Variants in UTP20 observed in about 807,000 individuals in gnomAD.
The protein encoded by UTP20 is small subunit processome component 20 homolog.
In UTP20, 164 loss-of-function variants were observed where a neutral mutation model predicts 329.5. The observed-to-expected ratio is 0.50, with a 90% CI of 0.44 to 0.57. The LOEUF is 0.57. Ranked by LOEUF, UTP20 falls within the 20% of genes least tolerant of loss-of-function variation. The pLI is 0.00. For synonymous variants in UTP20, 1,151 were observed against 1,159.3 expected (o/e 0.99, Z 0.14); for missense variants, 3,055 against 3,284.2 (o/e 0.93, Z 1.71).
chr12:101,381,297 C>A, intron 58 of UTP20, 86 bp downstream of exon 58: 1 of 1,201,606 alleles, frequency 8.3e-7, no homozygotes, highest in Non-Finnish European at 1.2e-6. Context: ...TTTGAGAGGC[C>A]GAGGCGGCCA....
chr12:101,330,472 G>A (rs1868725467), intron 27 of UTP20, among the ~76,000 whole-genome samples: 1 of 152,192 alleles, frequency 6.6e-6, no homozygotes, highest in Non-Finnish European at 1.5e-5. Flanking sequence ...TGAGAAGCTC[G>A]AAGCAGGTGA....
chr12:101,378,031 G>T (rs1367652523), intron 56 of UTP20, among the ~76,000 whole-genome samples: 1 of 152,010 alleles, frequency 6.6e-6, no homozygotes. Context: ...AGACCAGCGT[G>T]GGCAACATGG....
intron 2 of UTP20, among the ~76,000 whole-genome samples, chr12:101,284,235 A>G (rs747904509): frequency 6.6e-6 from 1 of 152,014 alleles, no homozygotes; most frequent in Non-Finnish European, 1.5e-5. Context: ...TTTTTAACCC[A>G]TCCCCACTTC....
At chr12:101,310,180 G>C (rs1872741900) in intron 19 of UTP20, among the ~76,000 whole-genome samples, 1 of 151,998 alleles carries the variant, frequency 6.6e-6, no homozygotes, top group Admixed American at 6.6e-5. Context: ...TATATTTTGA[G>C]TCATTGAGCC....
At chr12:101,364,235 C>A (rs1251435962) in intron 45 of UTP20, among the ~76,000 whole-genome samples, 1 of 152,096 alleles carries the variant, frequency 6.6e-6, no homozygotes, top group Non-Finnish European at 1.5e-5. Context: ...TAGCAAGACC[C>A]TGTCTCTATT....
At chr12:101,354,708 T>A in intron 40 of UTP20, 124 bp from the exon 41 acceptor site, 1 of 1,020,384 alleles carries the variant, frequency 9.8e-7, no homozygotes, top group Non-Finnish European at 1.4e-6. Context: ...TTACCTTGCC[T>A]GCCCACAGTT....
Position 101,308,334 on chromosome 12 carries a change from G to T in UTP20, c.2145G>T (p.Pro715=). 6.6e-7 allele frequency: 1 copy of T among 1,508,672 alleles called. No homozygotes were observed. Among genetic ancestry groups the T allele is most frequent in the Non-Finnish European group, 8.9e-7 (1 of 1,128,216 alleles). 93.5% of individuals were successfully genotyped at this position (1,508,672 alleles called of 1,614,324 possible). Residue 715 remains proline (P), a synonymous_variant, in exon 18 of 62, where the codon CCG becomes CCT. Transcript: ENST00000261637. ...DVVQTAVPDG[P]LQEVPLRYLL... is the part of the protein sequence containing the mutation. ...TACAGACTGCTGTCCCTGATGGGCCGTTACAGGAGGTAAAAATAGTGTTCT... is the reference window on the plus strand; with the variant it reads ...TACAGACTGCTGTCCCTGATGGGCCTTTACAGGAGGTAAAAATAGTGTTCT...
intron 28 of UTP20, among the ~76,000 whole-genome samples, chr12:101,333,741 C>G (rs970087142): frequency 3.9e-5 from 6 of 152,184 alleles, no homozygotes; most frequent in Non-Finnish European, 5.9e-5. Flanking sequence ...CTTACTGCAA[C>G]CTCTGCCTCC....
At chr12:101,295,382 T>G in intron 11 of UTP20, 98 bp from the exon 12 acceptor site, 1 of 1,151,668 alleles carries the variant, frequency 8.7e-7, no homozygotes, top group Non-Finnish European at 1.2e-6. Flanking sequence ...GCCATTGTGA[T>G]TCTTGATCCT....
chr12:101,280,414 G>A, intron 1 of UTP20, 87 bp downstream of exon 1: 3 of 1,498,680 alleles, frequency 2.0e-6, no homozygotes, highest in Non-Finnish European at 2.7e-6. Context: ...AGGGGCCTCA[G>A]ACTTCTGGGC....
Position 101,355,081 on chromosome 12 carries a change from A to T in UTP20, c.5357A>T (p.Asp1786Val), listed in dbSNP as rs745423859. ...IKNIQGTITG[D>V]ILPRLHKCLA... ...AATATCCAAGGAACCATAACCGGGGATATTCTCCCCAGGCTACATAAATGC... is the reference window on the plus strand; with the variant it reads ...AATATCCAAGGAACCATAACCGGGGTTATTCTCCCCAGGCTACATAAATGC... The change falls in exon 41 of 62, where the codon GAT becomes GTT. Residue 1786 changes from aspartate to valine, a missense_variant. Asp to Val is a radical substitution (Grantham distance 152, BLOSUM62 -3). Transcript: ENST00000261637. 6.2e-7 allele frequency: 1 copy of T among 1,614,150 alleles called. No homozygotes were observed. Among genetic ancestry groups the T allele is most frequent in the Non-Finnish European group, 8.5e-7 (1 of 1,180,020 alleles).
chr12:101,353,265 AAGG>A, intron 40 of UTP20, 136 bp downstream of exon 40: 1 of 452,562 alleles, frequency 2.2e-6, no homozygotes, highest in Non-Finnish European at 3.9e-6. Context: ...ATGAGTCAGG[AAGG>A]AGGCTAAAAT....
At chr12:101,300,298 G>A (rs1036251097) in intron 14 of UTP20, among the ~76,000 whole-genome samples, 1 of 152,120 alleles carries the variant, frequency 6.6e-6, no homozygotes, top group Non-Finnish European at 1.5e-5. Flanking sequence ...GGATGCCATG[G>A]CTTAGAAGGC....
intron 19 of UTP20, among the ~76,000 whole-genome samples, chr12:101,311,132 A>G (rs1171947201): frequency 6.6e-6 from 1 of 152,238 alleles, no homozygotes; most frequent in Non-Finnish European, 1.5e-5. Flanking sequence ...AGTTCCCAAC[A>G]TATATAATAC....
rs1870804554 is a variant in UTP20 at position 101,385,719 on chromosome 12, G to A, written c.8193G>A (p.Lys2731=). 1 of 1,610,838 alleles carries A rather than the reference G, an allele frequency of 6.2e-7. No homozygotes were observed. The highest frequency in any genetic ancestry group is 8.5e-7 in the Non-Finnish European group (1 of 1,179,424). Residue 2731 remains lysine (K), a synonymous_variant, in exon 61 of 62, where the codon AAG becomes AAA. Coordinates refer to ENST00000261637, the MANE Select transcript of UTP20 (RefSeq NM_014503.3). ...NEKRALRKKR[K]ALEFVTNPDI... ...AAAGGGCACTCCGGAAAAAGAGGAA[G>A]GCCCTGGAGGTAAGTTTGCTCTTTG...
intron 12 of UTP20, among the ~76,000 whole-genome samples, chr12:101,298,441 C>G (rs767673145): frequency 2.7e-4 from 41 of 152,144 alleles, no homozygotes; most frequent in Admixed American, 6.6e-4. Flanking sequence ...ACTGCAAAGA[C>G]TCTGGGACAG....
chr12:101,308,374 T>C, intron 18 of UTP20, 31 bp downstream of exon 18: 1 of 1,382,614 alleles, frequency 7.2e-7, no homozygotes, highest in Non-Finnish European at 9.4e-7. Context: ...TTTTTCCTTT[T>C]TAATTCATGC....
intron 6 of UTP20, 49 bp from the exon 7 acceptor site, chr12:101,290,088 T>A: frequency 1.5e-6 from 2 of 1,343,170 alleles, no homozygotes; most frequent in Non-Finnish European, 2.0e-6. Context: ...TTCATTTGGA[T>A]ATGTTTATGT....
At chr12:101,305,850 A>G in intron 15 of UTP20, 65 bp from the exon 16 acceptor site, 1 of 1,406,132 alleles carries the variant, frequency 7.1e-7, no homozygotes, top group Non-Finnish European at 9.3e-7. Flanking sequence ...TCTGTGGCTT[A>G]TACTATAGTC....
Sources: gnomAD v4.1 joint callset for allele counts (sites outside exome capture counted in the v4.1 genomes callset) on GRCh38, gnomAD v4.1.1 for gene constraint, MANE v1.5 for transcripts, NCBI Gene and HGNC (gene_info 2026-07-23, HGNC 2026-07-21) for gene names.